Variants in NAV2 observed in about 807,000 individuals in gnomAD.
NAV2 encodes helicase, APC down-regulated 1.
A neutral mutation model predicts 223.2 loss-of-function variants in NAV2; 54 were observed. That is an observed-to-expected ratio of 0.24 (90% CI 0.19 to 0.30). NAV2 has a LOEUF of 0.30. NAV2 is among the 10% of genes least tolerant of loss of function. The pLI, the probability that NAV2 is intolerant of heterozygous loss-of-function variation, is 1.00. For missense variants in NAV2, 2,806 were observed against 3,147.5 expected, an observed-to-expected ratio of 0.89 and a Z score of 2.60; for synonymous variants, 1,279 against 1,239.3, an observed-to-expected ratio of 1.03 and a Z score of -0.67.
chr11:20,114,423 C>A (rs16905675), intron 36 of NAV2, 169 bp from the exon 37 acceptor site: 9 of 647,306 alleles, frequency 1.4e-5, no homozygotes, highest in East Asian at 1.1e-4. Flanking sequence ...CTTAGCACCT[C>A]GAACTGTCTG....
intron 1 of NAV2, among the ~76,000 whole-genome samples, chr11:19,585,785 C>G (rs1412108798): frequency 1.3e-5 from 2 of 152,132 alleles, no homozygotes; most frequent in African/African-American, 4.8e-5. Flanking sequence ...GTGGGTAACC[C>G]AACCTTTCTC....
chr11:19,847,363 A>G (rs1334776819), intron 3 of NAV2, among the ~76,000 whole-genome samples: 2 of 152,188 alleles, frequency 1.3e-5, no homozygotes, highest in African/African-American at 4.8e-5. Context: ...TTTTCAGCAA[A>G]AAAGCCCCAG....
At chr11:19,926,865 C>T (rs1022752506) in intron 6 of NAV2, among the ~76,000 whole-genome samples, 2 of 152,154 alleles carry the variant, frequency 1.3e-5, no homozygotes, top group African/African-American at 2.4e-5. Flanking sequence ...AGGACACTCT[C>T]CCTGAGTGCC....
chr11:19,988,682 G>A (rs989475911), intron 11 of NAV2, among the ~76,000 whole-genome samples: 5 of 152,104 alleles, frequency 3.3e-5, no homozygotes, highest in African/African-American at 9.7e-5. Flanking sequence ...ACTCAGAGGC[G>A]TCCCAGTTTC....
chr11:19,634,690 G>A (rs2047441365), intron 1 of NAV2, among the ~76,000 whole-genome samples: 1 of 152,180 alleles, frequency 6.6e-6, no homozygotes, highest in African/African-American at 2.4e-5. Context: ...TCTAGGAAGT[G>A]GGGGAAATGG....
At chr11:19,868,706 C>T (rs988455811) in intron 3 of NAV2, among the ~76,000 whole-genome samples, 1 of 152,058 alleles carries the variant, frequency 6.6e-6, no homozygotes, top group African/African-American at 2.4e-5. Context: ...TTATTTTTGG[C>T]GGCTGTGAGC....
At chr11:19,685,245 C>T (rs2048991005) in intron 1 of NAV2, among the ~76,000 whole-genome samples, 1 of 152,214 alleles carries the variant, frequency 6.6e-6, no homozygotes, top group Admixed American at 6.5e-5. Flanking sequence ...GCTTTTAAAT[C>T]ACCTTAATTT....
chr11:20,110,770 T>A (rs2062558524), intron 36 of NAV2, among the ~76,000 whole-genome samples: 1 of 152,210 alleles, frequency 6.6e-6, no homozygotes, highest in Non-Finnish European at 1.5e-5. Flanking sequence ...TCCTTTGTGT[T>A]ACTTTGAGTC....
chr11:19,744,757 CA>C (rs900159768), intron 1 of NAV2, among the ~76,000 whole-genome samples: 11 of 152,288 alleles, frequency 7.2e-5, no homozygotes, highest in Middle Eastern at 3.4e-3. Flanking sequence ...GTTGGAATTT[CA>C]CCATCCTCAC....
chr11:20,107,121 A>T (rs1386946950), intron 35 of NAV2: 9 of 107,850 alleles, frequency 8.3e-5, no homozygotes, highest in African/African-American at 3.4e-4. Flanking sequence ...TCTGTTGCCC[A>T]GGCTGGAGTG....
At chr11:19,450,989 A>C (rs1171363161) in intron 1 of NAV2, among the ~76,000 whole-genome samples, 1 of 152,100 alleles carries the variant, frequency 6.6e-6, no homozygotes, top group African/African-American at 2.4e-5. Flanking sequence ...AGGGAGGATG[A>C]AACAACTTGG....
intron 1 of NAV2, among the ~76,000 whole-genome samples, chr11:19,397,135 T>C (rs1376207392): frequency 6.6e-6 from 1 of 152,206 alleles, no homozygotes; most frequent in African/African-American, 2.4e-5. Context: ...CCCAGAGGGC[T>C]ATGGGGACTA....
intron 1 of NAV2, among the ~76,000 whole-genome samples, chr11:19,735,244 G>A (rs2052174145): frequency 6.6e-6 from 1 of 152,180 alleles, no homozygotes; most frequent in Admixed American, 6.5e-5. Flanking sequence ...GCAGCTAGGT[G>A]TTCCCAGTTG....
intron 1 of NAV2, among the ~76,000 whole-genome samples, chr11:19,453,624 T>G (rs1319071373): frequency 1.3e-5 from 2 of 152,122 alleles, no homozygotes; most frequent in Non-Finnish European, 2.9e-5. Flanking sequence ...CCCCATCTGC[T>G]CCTGAACCTG....
chr11:19,883,072 G>C (rs1041267794), intron 5 of NAV2, among the ~76,000 whole-genome samples: 1 of 152,152 alleles, frequency 6.6e-6, no homozygotes, highest in Admixed American at 6.5e-5. Flanking sequence ...TGGTTTGGAC[G>C]CTTGATTATT....
chr11:19,949,484 CT>C (rs1282292101), intron 10 of NAV2, among the ~76,000 whole-genome samples: 2 of 152,214 alleles, frequency 1.3e-5, no homozygotes, highest in African/African-American at 4.8e-5. Context: ...AATCTTCAAT[CT>C]TGTCAAGCTC....
intron 11 of NAV2, among the ~76,000 whole-genome samples, chr11:20,029,918 G>A (rs1477385503): frequency 6.6e-6 from 1 of 152,170 alleles, no homozygotes; most frequent in Non-Finnish European, 1.5e-5. Context: ...AGGAAATCAT[G>A]CTTTTGTGTT....
At chr11:20,049,794 C>T (rs1450966948) in intron 15 of NAV2, 42 bp from the exon 16 acceptor site, 3 of 1,582,660 alleles carry the variant, frequency 1.9e-6, no homozygotes, top group African/African-American at 1.3e-5. Flanking sequence ...TTCTTCCAAG[C>T]TAACGTTCCT....
chr11:19,926,210 A>G (rs988291636), intron 6 of NAV2, among the ~76,000 whole-genome samples: 1 of 152,228 alleles, frequency 6.6e-6, no homozygotes, highest in Non-Finnish European at 1.5e-5. Context: ...ATAGATCCTC[A>G]TCCTTATTCT....
Sources: gnomAD v4.1 joint callset for allele counts (sites outside exome capture counted in the v4.1 genomes callset) on GRCh38, gnomAD v4.1.1 for gene constraint, MANE v1.5 for transcripts, NCBI Gene and HGNC (gene_info 2026-07-23, HGNC 2026-07-21) for gene names.